TASP1: variants seen among roughly 807,000 people sequenced by gnomAD.
TASP1 encodes the protein taspase 1, also known as threonine aspartase 1.
A neutral mutation model predicts 56.6 loss-of-function variants in TASP1; 16 were observed. That is an observed-to-expected ratio of 0.28 (90% confidence interval 0.19 to 0.43). TASP1 has a LOEUF of 0.43. Among genes scored for constraint, TASP1 ranks in the 20% least tolerant of loss-of-function variants. The pLI, the probability that TASP1 is intolerant of heterozygous loss-of-function variation, is 1.00. For missense variants in TASP1, 393 were observed against 511.6 expected, an observed-to-expected ratio of 0.77 and a Z score of 2.24; for synonymous variants, 179 against 184.2, an observed-to-expected ratio of 0.97 and a Z score of 0.23.
At chr20:13,164,134 T>C in the TASP1 span, among the ~76,000 whole-genome samples, 1 of 152,172 alleles carries the variant, frequency 6.6e-6, no homozygotes, top group Non-Finnish European at 1.5e-5. Context: ...GACCTTTTTT[T>C]ACTTCCTGGA....
At chr20:13,321,251 C>CAGAAAAAAAAAAAAAAAAA in the TASP1 span, among the ~76,000 whole-genome samples, 1 of 23,696 alleles carries the variant, frequency 4.2e-5, no homozygotes, top group Non-Finnish European at 7.1e-5. Context: ...ATGTGCCCCA[C>CAGAAAAAAAAAAAAAAAAA]ATAAAAAAAA....
chr20:13,472,911 G>C (rs551333669), intron 11 of TASP1, among the ~76,000 whole-genome samples: 1 of 152,200 alleles, frequency 6.6e-6, no homozygotes, highest in African/African-American at 2.4e-5. Context: ...TTCAACCATT[G>C]TGGAAGACAG....
downstream of TASP1, among the ~76,000 whole-genome samples, chr20:13,388,256 A>G (rs1192414324): frequency 6.6e-6 from 1 of 152,174 alleles, no homozygotes; most frequent in Non-Finnish European, 1.5e-5. Context: ...TTGATTTTAC[A>G]TCTCTCAGTA....
the TASP1 span, among the ~76,000 whole-genome samples, chr20:13,112,370 C>T: frequency 6.6e-6 from 1 of 152,188 alleles, no homozygotes; most frequent in Admixed American, 6.5e-5. Context: ...GCCAGAACTC[C>T]CTTACAACGT....
chr20:13,603,559 T>C (rs2048038429), intron 4 of TASP1, among the ~76,000 whole-genome samples: 1 of 122,952 alleles, frequency 8.1e-6, no homozygotes. Flanking sequence ...TAAAAATAAA[T>C]AAGTTTATTA....
At chr20:13,366,090 G>C in the TASP1 span, among the ~76,000 whole-genome samples, 1 of 152,214 alleles carries the variant, frequency 6.6e-6, no homozygotes, top group African/African-American at 2.4e-5. Flanking sequence ...GGAGAGAACA[G>C]TTTGTGGACA....
intron 1 of TASP1, among the ~76,000 whole-genome samples, chr20:13,635,097 CTAAA>C (rs2049250542): frequency 6.6e-6 from 1 of 152,098 alleles, no homozygotes; most frequent in Non-Finnish European, 1.5e-5. Flanking sequence ...TGTGAATACA[CTAAA>C]TACCACTGAA....
the TASP1 span, among the ~76,000 whole-genome samples, chr20:13,307,741 C>A: frequency 6.6e-6 from 1 of 152,224 alleles, no homozygotes; most frequent in African/African-American, 2.4e-5. Context: ...TTGTGAAATT[C>A]TTCCATATCG....
At chr20:13,535,915 C>T (rs976364689) in intron 8 of TASP1, among the ~76,000 whole-genome samples, 1 of 152,124 alleles carries the variant, frequency 6.6e-6, no homozygotes, top group African/African-American at 2.4e-5. Flanking sequence ...AGTCTGTCTT[C>T]TCTGGTAGGT....
chr20:13,239,042 T>A, the TASP1 span: 1 of 152,260 alleles, frequency 6.6e-6, no homozygotes, highest in Admixed American at 6.5e-5. Context: ...TGGCACAACA[T>A]GCAATTCCGA....
intron 10 of TASP1, among the ~76,000 whole-genome samples, chr20:13,506,053 GAA>G (rs2044118953): frequency 6.6e-6 from 1 of 151,810 alleles, no homozygotes; most frequent in Non-Finnish European, 1.5e-5. Flanking sequence ...AATCATAAAT[GAA>G]AAAAGACACA....
At chr20:13,148,883 CT>C in the TASP1 span, among the ~76,000 whole-genome samples, 3 of 152,332 alleles carry the variant, frequency 2.0e-5, no homozygotes, top group South Asian at 6.2e-4. Flanking sequence ...GGCAATTCCC[CT>C]TTCAACGACC....
chr20:13,442,293 GACACAC>G (rs35295009), intron 11 of TASP1, among the ~76,000 whole-genome samples: 18 of 147,770 alleles, frequency 1.2e-4, no homozygotes, highest in African/African-American at 1.7e-4. Flanking sequence ...CACAGACACA[GACACAC>G]ACACACACAC....
chr20:13,371,463 T>C, the TASP1 span, among the ~76,000 whole-genome samples: 1 of 126,590 alleles, frequency 7.9e-6, no homozygotes, highest in African/African-American at 2.5e-5. Flanking sequence ...TTCGTGAATT[T>C]CCCAAATCTT....
At chr20:13,331,639 T>G in the TASP1 span, among the ~76,000 whole-genome samples, 2 of 151,374 alleles carry the variant, frequency 1.3e-5, no homozygotes, top group Non-Finnish European at 1.5e-5. Context: ...TAGTTAGAGG[T>G]GTTACTGTGT....
rs1360918059 is a variant in TASP1, at chr20:13,617,007, T to C, written c.282+6439A>G. ...CTGCGTACAGCTCTTCAGGATACAT[T>C]TCCCTTGTTCAGAAGGTGGAAATTC... On this transcript the variant is annotated intron_variant, in intron 4 of 13. Coordinates refer to ENST00000337743, the MANE Select transcript of TASP1 (RefSeq NM_017714.3). 4 of 453,616 alleles carry C rather than the reference T, an allele frequency of 8.8e-6. No individual in the cohort carries two copies. The East Asian group carries it at 2.1e-4, about 24-fold the overall frequency. 28.1% of individuals were successfully genotyped at this position (453,616 alleles called of 1,614,324 possible). A position where few individuals can be genotyped will look rare whatever the true frequency, so the allele number is the denominator to read the frequency against.
chr20:13,629,803 T>C, intron 2 of TASP1, 131 bp downstream of exon 2: 1 of 1,357,024 alleles, frequency 7.4e-7, no homozygotes, highest in Non-Finnish European at 1.0e-6. Flanking sequence ...AGTCAAACAA[T>C]CGCTTTGCTT....
chr20:13,206,928 G>T, the TASP1 span, among the ~76,000 whole-genome samples: 17 of 152,024 alleles, frequency 1.1e-4, no homozygotes, highest in Non-Finnish European at 2.2e-4. Context: ...TAATGGAGGG[G>T]TTATATAGAT....
At position 13,528,495 on chromosome 20, in the gene TASP1, C is replaced by T. The variant is rs1221811793; in HGVS notation, c.812G>A (p.Cys271Tyr). 3 of 1,609,544 alleles carry T rather than the reference C, an allele frequency of 1.9e-6. No individual in the cohort carries two copies. Among genetic ancestry groups the T allele is most frequent in the Non-Finnish European group, 2.5e-6 (3 of 1,177,484 alleles). Residue 271 changes from cysteine to tyrosine, a missense_variant, in exon 10 of 14, where the codon TGT (cysteine) becomes TAT (tyrosine). Transcript: ENST00000337743. ...TCCAGTATTTTCAGCCCAGCAGCCA[C>T]ATCCATAAAGAGCAGCCTGGGGAAA... ...GRVGQAALYG[C>Y]GCWAENTGAH...
Sources: allele counts gnomAD v4.1 joint callset (sites outside exome capture counted in the v4.1 genomes callset), GRCh38; gene constraint gnomAD v4.1.1; transcripts MANE v1.5; gene names NCBI Gene and HGNC (gene_info 2026-07-23, HGNC 2026-07-21).